The following CFAP97 variants were observed in gnomAD, a reference collection of about 807,000 sequenced individuals.
CFAP97 encodes cilia and flagella associated protein 97.
CFAP97 carries 36 observed loss-of-function variants against 43.1 expected under a neutral mutation model. The ratio of observed to expected loss-of-function variants is 0.84; its 90% CI spans 0.64 to 1.10. CFAP97 has a LOEUF of 1.10. Ranked by LOEUF, CFAP97 falls within the 50% of genes least tolerant of loss-of-function variation. The pLI is 0.00. For synonymous variants in CFAP97, 228 were observed against 225.7 expected (o/e 1.01, Z -0.09); for missense variants, 657 against 620.3 (o/e 1.06, Z -0.63).
upstream of CFAP97, among the ~76,000 whole-genome samples, chr4:185,204,763 A>G (rs888432895): frequency 2.8e-4 from 42 of 152,384 alleles, no homozygotes; most frequent in African/African-American, 1.0e-3. Context: ...CTGTGAGCAC[A>G]GAAGCTAGAG....
chr4:185,170,697 G>T (rs1035666449), intron 3 of CFAP97, among the ~76,000 whole-genome samples: 2 of 151,606 alleles, frequency 1.3e-5, no homozygotes, highest in African/African-American at 4.8e-5. Context: ...TTTATGAACT[G>T]CCTTAGGCCA....
intron 3 of CFAP97, among the ~76,000 whole-genome samples, chr4:185,174,491 T>C (rs566403481): frequency 6.6e-6 from 1 of 152,322 alleles, no homozygotes; most frequent in South Asian, 2.1e-4. Flanking sequence ...TAAAGAAATG[T>C]ACAAAAGAGT....
chr4:185,169,856 A>G, intron 3 of CFAP97: 1 of 985,728 alleles, frequency 1.0e-6, no homozygotes, highest in Non-Finnish European at 1.2e-6. Flanking sequence ...GCTTTCTTCA[A>G]CGGAAGGAGA....
intron 1 of CFAP97, among the ~76,000 whole-genome samples, chr4:185,202,345 T>C (rs1736884677): frequency 6.6e-6 from 1 of 152,232 alleles, no homozygotes; most frequent in South Asian, 2.1e-4. Flanking sequence ...GCCCAGGAGC[T>C]TGAGACCAGC....
chr4:185,192,953 G>A (rs1736357089), intron 1 of CFAP97, among the ~76,000 whole-genome samples: 1 of 151,966 alleles, frequency 6.6e-6, no homozygotes. Context: ...TGTTATCCAG[G>A]ATGGCCTGGA....
intron 3 of CFAP97, 152 bp from the exon 4 acceptor site, chr4:185,164,331 G>A (rs972539594): frequency 6.3e-6 from 2 of 316,908 alleles, no homozygotes; most frequent in African/African-American, 4.5e-5. Flanking sequence ...TGGAACTCCT[G>A]GGCTTAAAGG....
chr4:185,201,934 T>C (rs1736850570), intron 1 of CFAP97, among the ~76,000 whole-genome samples: 1 of 152,202 alleles, frequency 6.6e-6, no homozygotes, highest in Non-Finnish European at 1.5e-5. Context: ...GAAAGCCCTG[T>C]GTCATTGTAA....
rs190325106 is a variant in CFAP97 at position 185,170,251 on chromosome 4, C to T, written c.1320+5535G>A. The T allele has an allele frequency of 1.9e-3, 1,233 of 650,820 alleles. 9 individuals are homozygous for T. The highest frequency in any genetic ancestry group is 0.018 in the African/African-American group (962 of 54,212). The allele number at this position is 650,820 out of a possible 1,614,324, so 40.3% of individuals were successfully genotyped here. A position where few individuals can be genotyped will look rare whatever the true frequency, so the allele number is the denominator to read the frequency against. On this transcript the variant is annotated intron_variant, in intron 3 of 4. Transcript: ENST00000458385. Reference sequence around the variant, plus strand: ...GTTCCAGTTACTTGGGAGGCCGAGGCAGGAGAATCACTTGAACCCAGGAGA... The same window carrying T: ...GTTCCAGTTACTTGGGAGGCCGAGGTAGGAGAATCACTTGAACCCAGGAGA...
chr4:185,195,632 T>C (rs3108247), intron 1 of CFAP97, among the ~76,000 whole-genome samples: 76,753 of 151,994 alleles, frequency 0.5, 19,611 homozygotes, highest in East Asian at 0.6. Flanking sequence ...TGAGTATAAC[T>C]CATGAGGGGA....
At chr4:185,169,506 T>C (rs1260030639) in intron 3 of CFAP97, 1 of 697,518 alleles carries the variant, frequency 1.4e-6, no homozygotes, top group Admixed American at 6.3e-5. Context: ...TAAAACTCTT[T>C]TGTTTATAAA....
intron 3 of CFAP97, among the ~76,000 whole-genome samples, chr4:185,173,050 T>C (rs1429429298): frequency 1.3e-5 from 2 of 151,558 alleles, no homozygotes; most frequent in Admixed American, 6.6e-5. Flanking sequence ...CCTGGACTAA[T>C]AGGATTTTTT....
Position 185,164,063 on chromosome 4 carries a change from C to T in CFAP97, c.1437G>A (p.Arg479=). The T allele has an allele frequency of 6.2e-7, 1 of 1,613,786 alleles. No homozygotes were observed. Among genetic ancestry groups the T allele is most frequent in the Non-Finnish European group, 8.5e-7 (1 of 1,179,846 alleles). Residue 479 remains arginine (R), a synonymous_variant, in exon 4 of 5, where the codon CGG becomes CGA. Coordinates refer to ENST00000458385, the MANE Select transcript of CFAP97 (RefSeq NM_020827.3). ...TATATTGGCCAAGAGTGGATCTGGCCCGTCTTGACAATGGTGATGAGTTGA... is the reference window on the plus strand; with the variant it reads ...TATATTGGCCAAGAGTGGATCTGGCTCGTCTTGACAATGGTGATGAGTTGA... The part of the protein sequence containing the change: ...GYLNSSPLSR[R]ARSTLGQYSP...
rs1734884385 is a variant in CFAP97, at chr4:185,161,839, A to G, written c.*959T>C. ...ATTTTAGTTTTTTCAGGCCTTATAA[A>G]TACTTGCTGGAATTTCTAAAGCATT... On this transcript the variant is annotated 3_prime_UTR_variant, in exon 5 of 5. Coordinates refer to ENST00000458385, the MANE Select transcript of CFAP97 (RefSeq NM_020827.3). The G allele has an allele frequency of 6.6e-6, 1 of 152,228 alleles. No individual in the cohort carries two copies. Among genetic ancestry groups the G allele is most frequent in the African/African-American group, 2.4e-5 (1 of 41,462 alleles). 9.4% of individuals were successfully genotyped at this position (152,228 alleles called of 1,614,324 possible). A position where few individuals can be genotyped will look rare whatever the true frequency, so the allele number is the denominator to read the frequency against.
chr4:185,180,581 G>A (rs1735743360), intron 2 of CFAP97, among the ~76,000 whole-genome samples: 2 of 151,902 alleles, frequency 1.3e-5, no homozygotes, highest in South Asian at 4.2e-4. Flanking sequence ...CATTATGTCA[G>A]AATTTCCTTC....
At chr4:185,188,377 C>T (rs993347244) in intron 2 of CFAP97, among the ~76,000 whole-genome samples, 1 of 150,980 alleles carries the variant, frequency 6.6e-6, no homozygotes. Flanking sequence ...GAGTCTCGCT[C>T]TGTCATCCAG....
At chr4:185,194,219 T>C (rs1458902287) in intron 1 of CFAP97, among the ~76,000 whole-genome samples, 1 of 152,184 alleles carries the variant, frequency 6.6e-6, no homozygotes, top group Non-Finnish European at 1.5e-5. Context: ...CCAGGCGCAG[T>C]GGCTCACGCC....
chr4:185,173,678 T>C (rs1021457019), intron 3 of CFAP97, among the ~76,000 whole-genome samples: 1 of 152,220 alleles, frequency 6.6e-6, no homozygotes, highest in Non-Finnish European at 1.5e-5. Context: ...ATGAAATATT[T>C]AGAATAGCCG....
At chr4:185,165,880 G>C (rs73876916) in intron 3 of CFAP97, among the ~76,000 whole-genome samples, 2,909 of 152,170 alleles carry the variant, frequency 0.019, 82 homozygotes, top group African/African-American at 0.066. Flanking sequence ...TCCAAAGAAG[G>C]AACAGATGGT....
intron 2 of CFAP97, among the ~76,000 whole-genome samples, chr4:185,177,009 T>G (rs560202955): frequency 2.6e-5 from 4 of 152,348 alleles, no homozygotes; most frequent in East Asian, 1.9e-4. Context: ...GCTTATTTCT[T>G]AAATTTCCAT....
Sources: allele counts gnomAD v4.1 joint callset (sites outside exome capture counted in the v4.1 genomes callset), GRCh38; gene constraint gnomAD v4.1.1; transcripts MANE v1.5; gene names NCBI Gene and HGNC (gene_info 2026-07-23, HGNC 2026-07-21).